The following ABHD18 variants were observed in gnomAD, a reference collection of about 807,000 sequenced individuals.
ABHD18 encodes abhydrolase domain containing 18.
In ABHD18, 55 loss-of-function variants were observed where a neutral mutation model predicts 65.9. The ratio of observed to expected loss-of-function variants is 0.84; its 90% CI spans 0.67 to 1.05. ABHD18 has a LOEUF of 1.05. Ranked by LOEUF, ABHD18 falls within the 50% of genes least tolerant of loss-of-function variation. The probability of loss-of-function intolerance (pLI) is 0.00; values close to 1 mark genes in which losing one functional copy is unlikely to be tolerated. For synonymous variants in ABHD18, 181 were observed against 180.2 expected (o/e 1.00, Z -0.04); for missense variants, 533 against 558.5 (o/e 0.95, Z 0.46).
intron 1 of ABHD18, among the ~76,000 whole-genome samples, chr4:127,973,649 C>T (rs1282114592): frequency 2.0e-5 from 3 of 151,824 alleles, no homozygotes; most frequent in Non-Finnish European, 2.9e-5. Flanking sequence ...ATTCCCATGA[C>T]GACATTATGT....
At chr4:127,993,567 T>C (rs1579243351) in intron 4 of ABHD18, among the ~76,000 whole-genome samples, 1 of 151,982 alleles carries the variant, frequency 6.6e-6, no homozygotes, top group East Asian at 1.9e-4. Context: ...CATTAGAAAA[T>C]GCAAATAAGA....
chr4:127,974,201 T>TG (rs1747438918), intron 1 of ABHD18, among the ~76,000 whole-genome samples: 1 of 144,754 alleles, frequency 6.9e-6, no homozygotes, highest in African/African-American at 2.6e-5. Context: ...TTTTTTTTTT[T>TG]TTTTTTTTTT....
chr4:128,002,087 C>T (rs909199730), intron 4 of ABHD18, among the ~76,000 whole-genome samples: 1 of 151,816 alleles, frequency 6.6e-6, no homozygotes, highest in South Asian at 2.1e-4. Context: ...CCAGCCTGGC[C>T]AACATGGTAA....
intron 4 of ABHD18, among the ~76,000 whole-genome samples, chr4:128,005,834 T>A (rs1753508911): frequency 6.6e-6 from 1 of 152,212 alleles, no homozygotes; most frequent in South Asian, 2.1e-4. Context: ...TTATCTCATC[T>A]TCTTCCCTGT....
Position 128,009,225 on chromosome 4 carries a change from CTTGT to C in ABHD18, c.442+37_442+40del, listed in dbSNP as rs1210469599. Reference sequence around the variant, plus strand: ...TTGTGATATCTAAGAAATCTTTTGCCTTGTTTATTTATTGATATATTTAGTCATC... The same window carrying C: ...TTGTGATATCTAAGAAATCTTTTGCCTTATTTATTGATATATTTAGTCATC... On this transcript the variant is annotated intron_variant, in intron 6 of 12. Coordinates refer to ENST00000645843, the MANE Select transcript of ABHD18 (RefSeq NM_001358451.3). 7 of 1,302,186 alleles carry C rather than the reference CTTGT, an allele frequency of 5.4e-6. No individual in the cohort carries two copies. The Admixed American group carries it at 1.5e-4, about 29-fold the overall frequency. The allele number at this position is 1,302,186 out of a possible 1,614,324, so 80.7% of individuals were successfully genotyped here. A position where few individuals can be genotyped will look rare whatever the true frequency, so the allele number is the denominator to read the frequency against.
At chr4:128,029,183 C>G (rs1398693741) in intron 11 of ABHD18, among the ~76,000 whole-genome samples, 1 of 151,002 alleles carries the variant, frequency 6.6e-6, no homozygotes, top group Non-Finnish European at 1.5e-5. Flanking sequence ...AAAACCCTGT[C>G]TCTACCAAAA....
chr4:128,010,150 G>A (rs1482849238), intron 6 of ABHD18, among the ~76,000 whole-genome samples: 2 of 152,176 alleles, frequency 1.3e-5, no homozygotes, highest in African/African-American at 4.8e-5. Context: ...CTAGAACAGT[G>A]CCTGATAAAT....
At chr4:128,005,194 A>G in intron 4 of ABHD18, among the ~76,000 whole-genome samples, 1 of 152,190 alleles carries the variant, frequency 6.6e-6, no homozygotes, top group Non-Finnish European at 1.5e-5. Flanking sequence ...ATACCACTGC[A>G]CTCCGGCTTT....
intron 1 of ABHD18, among the ~76,000 whole-genome samples, chr4:127,978,078 A>C (rs1437191975): frequency 6.6e-6 from 1 of 152,270 alleles, no homozygotes; most frequent in Admixed American, 6.5e-5. Flanking sequence ...AACTGAATAT[A>C]TATGGAAAAC....
chr4:127,984,216 TA>T (rs1347484663), intron 2 of ABHD18, 122 bp from the exon 3 acceptor site: 3 of 525,864 alleles, frequency 5.7e-6, no homozygotes, highest in Non-Finnish European at 1.0e-5. Flanking sequence ...AATTAAATTT[TA>T]ATATGGCTTA....
At chr4:128,005,135 A>G (rs1753390611) in intron 4 of ABHD18, among the ~76,000 whole-genome samples, 1 of 152,192 alleles carries the variant, frequency 6.6e-6, no homozygotes, top group African/African-American at 2.4e-5. Flanking sequence ...AGGATGAGGC[A>G]GGAGAATCAC....
At chr4:127,979,225 A>C (rs1323545564) in intron 1 of ABHD18, among the ~76,000 whole-genome samples, 1 of 152,228 alleles carries the variant, frequency 6.6e-6, no homozygotes, top group Non-Finnish European at 1.5e-5. Flanking sequence ...AATAGCACTG[A>C]AAAAATAATT....
At chr4:128,022,067 C>A (rs942926182) in intron 10 of ABHD18, among the ~76,000 whole-genome samples, 1 of 152,032 alleles carries the variant, frequency 6.6e-6, no homozygotes, top group African/African-American at 2.4e-5. Flanking sequence ...CATCACACAC[C>A]GGGGCCTGTT....
chr4:128,031,103 A>G, intron 12 of ABHD18: 9 of 989,000 alleles, frequency 9.1e-6, no homozygotes, highest in Non-Finnish European at 1.1e-5. Context: ...TTAAATAAGA[A>G]GTGCTTTTAA....
chr4:127,969,224 G>A (rs1445193115), intron 1 of ABHD18, among the ~76,000 whole-genome samples: 10 of 145,856 alleles, frequency 6.9e-5, no homozygotes, highest in Admixed American at 4.2e-4. Flanking sequence ...TTTTTGAGAC[G>A]GACTTTTGCT....
intron 11 of ABHD18, among the ~76,000 whole-genome samples, chr4:128,030,187 T>C (rs142808777): frequency 6.6e-6 from 1 of 152,276 alleles, no homozygotes; most frequent in South Asian, 2.1e-4. Context: ...ATTGAGGCGA[T>C]GCATACCTTA....
At chr4:127,967,958 A>G (rs1356481583) in intron 1 of ABHD18, among the ~76,000 whole-genome samples, 1 of 152,110 alleles carries the variant, frequency 6.6e-6, no homozygotes, top group African/African-American at 2.4e-5. Flanking sequence ...GCGGTGGCTC[A>G]CGCTTGTAAT....
At chr4:127,966,702 CAAAAAAAAAAAAAAAAAAAAAA>C (rs70966065) in intron 1 of ABHD18, among the ~76,000 whole-genome samples, 4 of 21,518 alleles carry the variant, frequency 1.9e-4, no homozygotes, top group Non-Finnish European at 3.3e-4. Context: ...ACTAAAAATA[CAAAAAAAAAAAAAAAAAAAAAA>C]AAAAAAAAAA....
intron 1 of ABHD18, among the ~76,000 whole-genome samples, chr4:127,972,409 G>C (rs1747003460): frequency 6.6e-6 from 1 of 152,146 alleles, no homozygotes; most frequent in Non-Finnish European, 1.5e-5. Flanking sequence ...GAAACTTTCA[G>C]GGGGCCCACA....
Sources: allele counts gnomAD v4.1 joint callset (sites outside exome capture counted in the v4.1 genomes callset), GRCh38; gene constraint gnomAD v4.1.1; transcripts MANE v1.5; gene names NCBI Gene and HGNC (gene_info 2026-07-23, HGNC 2026-07-21).